The following ANKRD50 variants were observed in gnomAD, a reference collection of about 807,000 sequenced individuals.
ANKRD50 encodes ankyrin repeat domain 50, also known as ankyrin repeat domain-containing protein 50.
A neutral mutation model predicts 112.0 loss-of-function variants in ANKRD50; 40 were observed. That is an observed-to-expected ratio of 0.36 (90% CI 0.28 to 0.46). The LOEUF (loss-of-function observed/expected upper bound fraction) is 0.46, where lower values mean the gene tolerates loss of function less well. ANKRD50 is among the 20% of genes least tolerant of loss of function. The probability of loss-of-function intolerance (pLI) is 1.00; values close to 1 mark genes in which losing one functional copy is unlikely to be tolerated. For missense variants in ANKRD50, 1,487 were observed against 1,701.7 expected (o/e 0.87, Z 2.22); for synonymous variants, 613 against 619.1 (o/e 0.99, Z 0.15).
chr4:124,672,796 T>C (rs929173565), intron 3 of ANKRD50, among the ~76,000 whole-genome samples: 2 of 152,078 alleles, frequency 1.3e-5, no homozygotes, highest in East Asian at 1.9e-4. Context: ...CTCAACTCCA[T>C]TGTAATAGAT....
Position 124,672,306 on chromosome 4 carries a change from C to T in ANKRD50, c.971G>A (p.Arg324His), listed in dbSNP as rs760352903. The T allele has an allele frequency of 2.5e-6, 4 of 1,613,448 alleles. No individual in the cohort carries two copies. Among genetic ancestry groups the T allele is most frequent in the East Asian group, 2.2e-5 (1 of 44,850 alleles). Residue 324 changes from arginine (R) to histidine (H), a missense_variant, in exon 4 of 5, where the codon CGT becomes CAT. Around this residue, in one of 2 missense-constraint regions of ANKRD50, gnomAD observed 1,046 missense variants for 1,269.5 expected, o/e 0.82. Transcript: ENST00000504087. The stretch of plus-strand genomic sequence containing the variant: ...ACCATTTAGAGTTCCTGGGATGTCA[C>T]GAATTTCTCTTAACATAATAAAATT... ...VENFIMLREI[R>H]DIPGTLNGLY...
At position 124,669,507 on chromosome 4, in the gene ANKRD50, T is replaced by C. The variant is rs186680694; in HGVS notation, c.3770A>G (p.Gln1257Arg). Residue 1257 changes from glutamine (Q) to arginine (R), a missense_variant, in exon 4 of 5, where the codon CAA (glutamine) becomes CGA (arginine). This residue lies in a region of ANKRD50 where 441 missense variants were observed against 432.2 expected (regional missense o/e 1.02). Transcript: ENST00000504087. ...NSPSSEFEWSQVKPSLKSTKA... is the reference protein window; with the variant it reads ...NSPSSEFEWSRVKPSLKSTKA... ...AGTTGACTTCAAACTGGGCTTTACT[T>C]GACTCCACTCAAATTCACTACTTGG... 9.3e-6 allele frequency: 15 copies of C among 1,612,872 alleles called. No homozygotes were observed. In the Admixed American group the frequency reaches 2.5e-4, roughly 27 times the overall value.
intron 2 of ANKRD50, among the ~76,000 whole-genome samples, chr4:124,707,787 T>G (rs745790980): frequency 1.3e-5 from 2 of 152,132 alleles, no homozygotes; most frequent in Non-Finnish European, 2.9e-5. Context: ...TCTAATTGCT[T>G]CTTCTTCCTC....
chr4:124,671,368 C>A lies in ANKRD50; in HGVS notation c.1909G>T (p.Val637Leu). 1 of 1,613,890 alleles carries A rather than the reference C, an allele frequency of 6.2e-7. No individual in the cohort carries two copies. Among genetic ancestry groups the A allele is most frequent in the Non-Finnish European group, 8.5e-7 (1 of 1,179,870 alleles). Reference protein sequence around the residue: ...VSALLYAGVKVDCADADSRTA... With the variant: ...VSALLYAGVKLDCADADSRTA... ...CGGCTATCAGCATCTGCACAATCCACTTTTACGCCAGCATAAAGTAGTGCA... is the reference window on the plus strand; with the variant it reads ...CGGCTATCAGCATCTGCACAATCCAATTTTACGCCAGCATAAAGTAGTGCA... Residue 637 changes from valine (V) to leucine (L), a missense_variant, in exon 4 of 5, where the codon GTG (valine) becomes TTG (leucine). Around this residue, in one of 2 missense-constraint regions of ANKRD50, gnomAD observed 1,046 missense variants for 1,269.5 expected, o/e 0.82. Coordinates refer to ENST00000504087, the MANE Select transcript of ANKRD50 (RefSeq NM_020337.3).
chr4:124,712,166 G>C (rs1169799058), intron 1 of ANKRD50, among the ~76,000 whole-genome samples: 2 of 152,066 alleles, frequency 1.3e-5, no homozygotes, highest in Admixed American at 6.5e-5. Flanking sequence ...TCTGCACCCC[G>C]CCCCGCACCG....
In ANKRD50 at chr4:124,665,458, CAA is replaced by C. The variant is rs1233801314; in HGVS notation, c.*2058_*2059del. 6.6e-6 allele frequency: 1 copy of C among 152,194 alleles called. No individual in the cohort carries two copies. The highest frequency in any genetic ancestry group is 1.5e-5 in the Non-Finnish European group (1 of 67,834). 9.4% of individuals were successfully genotyped at this position (152,194 alleles called of 1,614,324 possible). On this transcript the variant is annotated 3_prime_UTR_variant, in exon 5 of 5. Transcript: ENST00000504087. ...TTAAATAAATACAATTTCAATAATT[CAA>C]AGTTAATAGAAAAACTGGCAGCTTT...
chr4:124,674,816 G>A (rs1369901474), intron 3 of ANKRD50, among the ~76,000 whole-genome samples: 4 of 151,788 alleles, frequency 2.6e-5, no homozygotes, highest in Non-Finnish European at 5.9e-5. Context: ...ATGGATTTTA[G>A]ATAGAAGAAA....
intron 1 of ANKRD50, among the ~76,000 whole-genome samples, 186 bp downstream of exon 1, chr4:124,712,272 C>T (rs539003049): frequency 6.6e-6 from 1 of 152,290 alleles, no homozygotes; most frequent in African/African-American, 2.4e-5. Context: ...CGCCTCTGCG[C>T]TCCCGCCCCA....
At chr4:124,703,115 T>C (rs993327929) in intron 2 of ANKRD50, among the ~76,000 whole-genome samples, 2 of 151,920 alleles carry the variant, frequency 1.3e-5, no homozygotes, top group African/African-American at 4.8e-5. Flanking sequence ...TCTAAGCTTG[T>C]GGGGCAAACA....
At chr4:124,668,838 T>C in intron 4 of ANKRD50, 146 bp downstream of exon 4, 1 of 669,090 alleles carries the variant, frequency 1.5e-6, no homozygotes, top group Non-Finnish European at 2.4e-6. Context: ...AATTCTGATG[T>C]AAAGGGGTGA....
chr4:124,680,500 C>T (rs934638730), intron 2 of ANKRD50, among the ~76,000 whole-genome samples: 20 of 152,100 alleles, frequency 1.3e-4, no homozygotes, highest in Admixed American at 1.3e-3. Context: ...CATACTGCTA[C>T]AGGAGGGTAG....
chr4:124,699,926 G>T (rs1420270664), intron 2 of ANKRD50, among the ~76,000 whole-genome samples: 2 of 151,910 alleles, frequency 1.3e-5, no homozygotes, highest in African/African-American at 4.8e-5. Context: ...TGTATTATAA[G>T]CCCTGGATAC....
intron 1 of ANKRD50, among the ~76,000 whole-genome samples, chr4:124,711,900 A>C (rs183719699): frequency 6.6e-6 from 1 of 152,230 alleles, no homozygotes; most frequent in East Asian, 1.9e-4. Flanking sequence ...GCCGGAGAAA[A>C]GGCTGCTAGA....
intron 2 of ANKRD50, among the ~76,000 whole-genome samples, chr4:124,700,407 G>C (rs1725363447): frequency 6.6e-6 from 1 of 152,148 alleles, no homozygotes; most frequent in Non-Finnish European, 1.5e-5. Context: ...GTGAAAATAA[G>C]AGAAACAATA....
intron 2 of ANKRD50, among the ~76,000 whole-genome samples, chr4:124,695,378 A>C (rs1725230103): frequency 6.6e-6 from 1 of 152,170 alleles, no homozygotes; most frequent in African/African-American, 2.4e-5. Flanking sequence ...GGTTTGGCTC[A>C]CCCTCAGGGA....
Position 124,710,172 on chromosome 4 carries a change from T to C in ANKRD50, c.340A>G (p.Lys114Glu), listed in dbSNP as rs748612040. Residue 114 changes from lysine (K) to glutamate (E), a missense_variant, in exon 2 of 5, where the codon AAA becomes GAA. By Grantham distance (56) the Lys-to-Glu change is moderately conservative (BLOSUM62 1). Coordinates refer to ENST00000504087, the MANE Select transcript of ANKRD50 (RefSeq NM_020337.3). The stretch of plus-strand genomic sequence containing the variant: ...CACAAAGTATCAGAGTCCTGGGCTT[T>C]GCAGAAATGAAAGGCCAAAGCTTGG... ...HRQALAFHFC[K>E]AQDSDTLCVG... 6.2e-7 allele frequency: 1 copy of C among 1,614,192 alleles called. No homozygotes were observed. Among genetic ancestry groups the C allele is most frequent in the Admixed American group, 1.7e-5 (1 of 60,016 alleles).
chr4:124,681,345 T>C (rs992818561), intron 2 of ANKRD50, among the ~76,000 whole-genome samples: 4 of 152,232 alleles, frequency 2.6e-5, no homozygotes, highest in Non-Finnish European at 5.9e-5. Context: ...CAGTCACTTG[T>C]TACTTTATAA....
At position 124,711,558 on chromosome 4, in the gene ANKRD50, G is replaced by T. The variant is rs188342130; in HGVS notation, c.-763-284C>A. ...CAAAGGAGGGGGGGAGAAACTTTAC[G>T]CACATACAGTAACACCCTTAACTCC... On this transcript the variant is annotated intron_variant, in intron 1 of 4. Coordinates refer to ENST00000504087, the MANE Select transcript of ANKRD50 (RefSeq NM_020337.3). Among the ~76,000 whole-genome samples, 78 of 152,144 alleles carry T rather than the reference G, an allele frequency of 5.1e-4. 4 individuals carry two copies. The highest frequency in any genetic ancestry group is 1.8e-3 in the African/African-American group (75 of 41,498).
intron 3 of ANKRD50, 109 bp from the exon 4 acceptor site, chr4:124,672,643 ATAC>A (rs1730690512): frequency 1.3e-6 from 1 of 779,212 alleles, no homozygotes; most frequent in African/African-American, 1.8e-5. Flanking sequence ...TAATAAATTA[ATAC>A]TAATAAGCAG....
Sources: gnomAD v4.1 joint callset for allele counts (sites outside exome capture counted in the v4.1 genomes callset) on GRCh38, gnomAD v4.1.1 for gene constraint, gnomAD v4.1.1 regional missense constraint, MANE v1.5 for transcripts, NCBI Gene and HGNC (gene_info 2026-07-23, HGNC 2026-07-21) for gene names.